The following SNRNP35 variants were observed in gnomAD, a reference collection of about 807,000 sequenced individuals.
The protein encoded by SNRNP35 is small nuclear ribonucleoprotein U11/U12 subunit 35.
In SNRNP35, 16 loss-of-function variants were observed where a neutral mutation model predicts 24.3. The observed-to-expected ratio is 0.66, with a 90% CI of 0.45 to 1.00. The LOEUF (loss-of-function observed/expected upper bound fraction) is 1.00, where lower values mean the gene tolerates loss of function less well. Among genes scored for constraint, SNRNP35 ranks in the 50% least tolerant of loss-of-function variants. The probability of loss-of-function intolerance (pLI) is 0.00; values close to 1 mark genes in which losing one functional copy is unlikely to be tolerated. For missense variants in SNRNP35, 292 were observed against 327.2 expected (o/e 0.89, Z 0.83); for synonymous variants, 106 against 124.8 (o/e 0.85, Z 1.00).
chr12:123,470,875 T>C (rs1881159043), downstream of SNRNP35: 1 of 152,080 alleles, frequency 6.6e-6, no homozygotes, highest in African/African-American at 2.4e-5. Context: ...TGGCCAGGGG[T>C]GGGAGAGAAA....
Position 123,466,366 on chromosome 12 carries a change from G to T in SNRNP35, c.*85G>T. ...CTTTCAACGCAGCGTGAGTCTAATGGTTGAATAAAACTTACTGATGATCAT... is the reference window on the plus strand; with the variant it reads ...CTTTCAACGCAGCGTGAGTCTAATGTTTGAATAAAACTTACTGATGATCAT... On this transcript the variant is annotated 3_prime_UTR_variant, in exon 2 of 2. Transcript: ENST00000526639. 7.3e-7 allele frequency: 1 copy of T among 1,365,712 alleles called. No individual in the cohort carries two copies. Among genetic ancestry groups the T allele is most frequent in the Non-Finnish European group, 9.8e-7 (1 of 1,017,404 alleles). The allele number at this position is 1,365,712 out of a possible 1,614,324, so 84.6% of individuals were successfully genotyped here. A position where few individuals can be genotyped will look rare whatever the true frequency, so the allele number is the denominator to read the frequency against.
At position 123,465,036 on chromosome 12, in the gene SNRNP35, T is replaced by C. The variant is rs963099360; in HGVS notation, c.-3-502T>C. 2.0e-5 allele frequency: 3 copies of C among 152,560 alleles called. No individual in the cohort carries two copies. Among genetic ancestry groups the C allele is most frequent in the Non-Finnish European group, 2.9e-5 (2 of 68,324 alleles). The allele number at this position is 152,560 out of a possible 1,614,324, so 9.5% of individuals were successfully genotyped here. ...GCCACATGTGCATGGTGGTTCTAGT[T>C]GAGCCGGGTGAGAAGTTTGTGGAGG... On this transcript the variant is annotated intron_variant, in intron 1 of 1. Coordinates refer to ENST00000526639, the MANE Select transcript of SNRNP35 (RefSeq NM_022717.4). The surrounding 1 kb of genome is among the most constrained non-coding windows in gnomAD (Gnocchi z 4.2).
At chr12:123,464,016 C>T (rs1475437254) in intron 1 of SNRNP35, among the ~76,000 whole-genome samples, 1 of 151,158 alleles carries the variant, frequency 6.6e-6, no homozygotes, top group Non-Finnish European at 1.5e-5. Context: ...TCACCGCAAC[C>T]TCCACCAACC....
Position 123,458,162 on chromosome 12 carries a change from G to C in SNRNP35, c.-58G>C, listed in dbSNP as rs1343508174. On this transcript the variant is annotated 5_prime_UTR_variant, in exon 1 of 2. Coordinates refer to ENST00000526639, the MANE Select transcript of SNRNP35 (RefSeq NM_022717.4). ...CCGAGGCCGGCGCGGAGAATCTGCTGTCGCCTGCAGCTGCTCGCCTGTCTC... is the reference window on the plus strand; with the variant it reads ...CCGAGGCCGGCGCGGAGAATCTGCTCTCGCCTGCAGCTGCTCGCCTGTCTC... The C allele has an allele frequency of 1.0e-6, 1 of 985,328 alleles. No individual in the cohort carries two copies. The highest frequency in any genetic ancestry group is 1.2e-6 in the Non-Finnish European group (1 of 829,988). The allele number at this position is 985,328 out of a possible 1,614,324, so 61.0% of individuals were successfully genotyped here. A position where few individuals can be genotyped will look rare whatever the true frequency, so the allele number is the denominator to read the frequency against.
rs1436162898 is a variant in SNRNP35, at chr12:123,465,265, G to A, written c.-3-273G>A. Among the ~76,000 whole-genome samples, 1 of 152,198 alleles carries A rather than the reference G, an allele frequency of 6.6e-6. No homozygotes were observed. The highest frequency in any genetic ancestry group is 1.5e-5 in the Non-Finnish European group (1 of 68,024). ...CCCTTCCGTGGCTGAGCCAGATGCTGCATATATGGGTGAAACCCGAGCACG... is the reference window on the plus strand; with the variant it reads ...CCCTTCCGTGGCTGAGCCAGATGCTACATATATGGGTGAAACCCGAGCACG... On this transcript the variant is annotated intron_variant, in intron 1 of 1. Coordinates refer to ENST00000526639, the MANE Select transcript of SNRNP35 (RefSeq NM_022717.4). The surrounding 1 kb of genome is among the most constrained non-coding windows in gnomAD (Gnocchi z 4.2).
At position 123,466,478 on chromosome 12, in the gene SNRNP35, A is replaced by G. The variant is rs771890950; in HGVS notation, c.*197A>G. ...ATCTTCCTCACATAGTTCTAAGGACATGTTATTTAACAGGATCAAGAAGCA... is the reference window on the plus strand; with the variant it reads ...ATCTTCCTCACATAGTTCTAAGGACGTGTTATTTAACAGGATCAAGAAGCA... On this transcript the variant is annotated 3_prime_UTR_variant, in exon 2 of 2. Transcript: ENST00000526639. 1.6e-4 allele frequency: 84 copies of G among 514,222 alleles called. No homozygotes were observed. The highest frequency in any genetic ancestry group is 2.6e-4 in the Non-Finnish European group (78 of 300,376). The allele number at this position is 514,222 out of a possible 1,614,324, so 31.9% of individuals were successfully genotyped here.
chr12:123,459,367 C>G (rs562436674), intron 1 of SNRNP35, among the ~76,000 whole-genome samples: 4 of 151,502 alleles, frequency 2.6e-5, no homozygotes, highest in African/African-American at 9.7e-5. Flanking sequence ...AATCCTGAAG[C>G]TCAAAATTTA....
At position 123,466,096 on chromosome 12, in the gene SNRNP35, C is replaced by T. The variant is rs1180804458; in HGVS notation, c.556C>T (p.Arg186Ter). ...AGAGGGAAAACGGGAAAGGCGGGAG[C>T]GATCTCGATCCCGAGAAAGACACTG... ...YREGKRERRE[R>*]SRSRERHWDS... The change falls in exon 2 of 2, where the codon CGA becomes TGA. Residue 186 changes from arginine to a stop codon, truncating the protein, a stop_gained. Coordinates refer to ENST00000526639, the MANE Select transcript of SNRNP35 (RefSeq NM_022717.4). LOFTEE classifies it high-confidence loss of function. 7 of 1,612,306 alleles carry T rather than the reference C, an allele frequency of 4.3e-6. No homozygotes were observed. Among genetic ancestry groups the T allele is most frequent in the South Asian group, 2.2e-5 (2 of 90,886 alleles).
At chr12:123,461,020 G>T (rs1593510596) in intron 1 of SNRNP35, among the ~76,000 whole-genome samples, 2 of 129,068 alleles carry the variant, frequency 1.5e-5, no homozygotes, top group African/African-American at 6.1e-5. Context: ...TTCCCATGTT[G>T]CCCAGGCTAG....
Position 123,472,641 on chromosome 12 carries a change from G to A in SNRNP35, n.1648G>A. ...CTCCTGGATGTGCACGTTTCTCTGT[G>A]TGTTGGCCAGGCGCTTCTTATCTCG... On this transcript the variant is annotated non_coding_transcript_exon_variant, in exon 2 of 2. Coordinates refer to the SNRNP35 transcript ENST00000527158. The A allele has an allele frequency of 1.9e-6, 3 of 1,597,342 alleles. No individual in the cohort carries two copies. Among genetic ancestry groups the A allele is most frequent in the Non-Finnish European group, 2.6e-6 (3 of 1,171,952 alleles).
downstream of SNRNP35, among the ~76,000 whole-genome samples, chr12:123,468,056 G>A (rs1234267729): frequency 1.3e-5 from 2 of 152,116 alleles, no homozygotes; most frequent in Non-Finnish European, 2.9e-5. Context: ...AGAACAGGGA[G>A]AGATTGAAAA....
chr12:123,459,333 C>T (rs1390617147), intron 1 of SNRNP35: 1 of 152,242 alleles, frequency 6.6e-6, no homozygotes, highest in Non-Finnish European at 1.5e-5. Context: ...AGTGAAGTGA[C>T]ATTTAGCTAC....
downstream of SNRNP35, chr12:123,470,474 A>T: frequency 1.5e-4 from 1 of 6,646 alleles, no homozygotes; most frequent in Non-Finnish European, 4.3e-4. Context: ...CCCTGTGTCC[A>T]AAAAAAAAAA....
chr12:123,472,627 G>A, exon 2 of SNRNP35: 1 of 1,592,190 alleles, frequency 6.3e-7, no homozygotes, highest in Non-Finnish European at 8.6e-7. Flanking sequence ...TCCTGGATGT[G>A]CACGTTTCTC....
chr12:123,461,577 C>G (rs986674686), intron 1 of SNRNP35, among the ~76,000 whole-genome samples: 1 of 152,124 alleles, frequency 6.6e-6, no homozygotes, highest in Non-Finnish European at 1.5e-5. Context: ...TTACTGACAG[C>G]AGAGAGGCAG....
chr12:123,465,666 C>G lies in SNRNP35; in HGVS notation c.126C>G (p.Asn42Lys), dbSNP rs748292386. The G allele has an allele frequency of 1.2e-6, 2 of 1,613,986 alleles. No individual in the cohort carries two copies. The highest frequency in any genetic ancestry group is 1.1e-5 in the South Asian group (1 of 91,054). Residue 42 changes from asparagine to lysine, a missense_variant, in exon 2 of 2, where the codon AAC (asparagine) becomes AAG (lysine). Asn to Lys is a moderately conservative substitution (Grantham distance 94). Transcript: ENST00000526639. The surrounding 1 kb of genome is among the most constrained non-coding windows in gnomAD (Gnocchi z 4.2). ...WRAMLARYVP[N>K]KGVIGDPLLT... is the part of the protein sequence containing the mutation. ...CAATGCTGGCACGATATGTCCCCAA[C>G]AAAGGTGTCATAGGAGATCCCCTCC...
chr12:123,472,854 G>A, exon 2 of SNRNP35: 1 of 652,658 alleles, frequency 1.5e-6, no homozygotes. Context: ...AAAGCAGCAG[G>A]GTATTCTGCG....
chr12:123,460,759 C>G (rs1198691724), intron 1 of SNRNP35, among the ~76,000 whole-genome samples: 2 of 151,776 alleles, frequency 1.3e-5, no homozygotes, highest in African/African-American at 4.8e-5. Flanking sequence ...AAAAAAAATT[C>G]AAGCGATTCT....
chr12:123,472,017 G>A (rs755018040), exon 2 of SNRNP35: 1 of 153,446 alleles, frequency 6.5e-6, no homozygotes, highest in African/African-American at 2.4e-5. Context: ...TTGGGCTACT[G>A]AGCCTGTGAC....
Sources: gnomAD v4.1 joint callset for allele counts (sites outside exome capture counted in the v4.1 genomes callset) on GRCh38, gnomAD v4.1.1 for gene constraint, Gnocchi (gnomAD v3.1) non-coding constraint, MANE v1.5 for transcripts, NCBI Gene and HGNC (gene_info 2026-07-23, HGNC 2026-07-21) for gene names.